RELCH: variants seen among roughly 807,000 people sequenced by gnomAD.
RELCH encodes the protein RAB11 binding and LisH domain, coiled-coil and HEAT repeat containing.
In RELCH, 41 loss-of-function variants were observed where a neutral mutation model predicts 150.3. The observed-to-expected ratio is 0.27, with a 90% CI of 0.21 to 0.35. RELCH has a LOEUF of 0.35. Among genes scored for constraint, RELCH ranks in the 10% least tolerant of loss-of-function variants. The pLI is 1.00. For synonymous variants in RELCH, 478 were observed against 531.8 expected, an observed-to-expected ratio of 0.90 and a Z score of 1.39; for missense variants, 1,092 against 1,467.8, an observed-to-expected ratio of 0.74 and a Z score of 4.18.
chr18:62,201,470 A>T (rs752408585), intron 1 of RELCH, among the ~76,000 whole-genome samples: 6 of 151,840 alleles, frequency 4.0e-5, no homozygotes, highest in Non-Finnish European at 7.4e-5. Flanking sequence ...GAATTGCTTG[A>T]TTTTTTTTCC....
chr18:62,272,258 C>T (rs1381445669), intron 20 of RELCH, among the ~76,000 whole-genome samples: 1 of 152,068 alleles, frequency 6.6e-6, no homozygotes, highest in African/African-American at 2.4e-5. Flanking sequence ...GTATGCCTAC[C>T]ATTCTCTAAC....
intron 18 of RELCH, among the ~76,000 whole-genome samples, chr18:62,265,729 A>G (rs1288138439): frequency 3.9e-5 from 6 of 151,910 alleles, no homozygotes. Context: ...ATTTAAGTTA[A>G]ATTATGTGGG....
intron 26 of RELCH, among the ~76,000 whole-genome samples, chr18:62,289,261 A>C (rs771249633): frequency 1.3e-5 from 2 of 152,204 alleles, no homozygotes; most frequent in Non-Finnish European, 2.9e-5. Flanking sequence ...GTTCTACATG[A>C]GTCAGAACTT....
intron 1 of RELCH, among the ~76,000 whole-genome samples, chr18:62,191,397 G>T (rs1434985199): frequency 2.6e-5 from 4 of 152,080 alleles, no homozygotes; most frequent in African/African-American, 7.2e-5. Flanking sequence ...TATTTTTTAT[G>T]AAATGCCTAT....
In RELCH at chr18:62,230,779, C is replaced by T. The variant is rs139544492; in HGVS notation, c.1449-415C>T. On this transcript the variant is annotated intron_variant, in intron 8 of 28. Transcript: ENST00000644646. ...ATATATATCTGCAAAGCTTTAATTC[C>T]TCTCAGCAATATACCAGGTCAACCT... Among the ~76,000 whole-genome samples the T allele has an allele frequency of 1.5e-3, 235 of 152,080 alleles. 1 individual carries two copies. Among genetic ancestry groups the T allele is most frequent in the African/African-American group, 5.3e-3 (219 of 41,492 alleles).
chr18:62,297,237 G>T (rs917401242), intron 27 of RELCH, among the ~76,000 whole-genome samples: 4 of 152,126 alleles, frequency 2.6e-5, no homozygotes, highest in Admixed American at 1.3e-4. Context: ...AATGCTGGCT[G>T]TCAGGTTTAT....
rs140959449 is a variant in RELCH, at chr18:62,187,760, C to T, written c.255C>T (p.Thr85=). The T allele has an allele frequency of 0.01, 16,815 of 1,610,890 alleles. 129 individuals are homozygous for T. The highest frequency in any genetic ancestry group is 0.016 in the South Asian group (1,485 of 90,886). The change falls in exon 1 of 29, where the codon ACC becomes ACT. Residue 85 remains threonine, a synonymous_variant. Coordinates refer to ENST00000644646, the MANE Select transcript of RELCH (RefSeq NM_001346231.2). ...CGGCTGCAGTGGCCCTGGGGGGCAC[C>T]GGGGAGACCCCGGCCCGATTATCAA... is the stretch of plus-strand genomic sequence containing the variant. ...ASAAAVALGG[T]GETPARLSID...
intron 19 of RELCH, among the ~76,000 whole-genome samples, chr18:62,267,244 G>A (rs926874099): frequency 7.3e-5 from 11 of 151,684 alleles, no homozygotes; most frequent in Admixed American, 2.0e-4. Context: ...CTACTTTAAC[G>A]AGTCTAGTTA....
chr18:62,189,806 C>T (rs2038485631), intron 1 of RELCH, among the ~76,000 whole-genome samples: 1 of 152,144 alleles, frequency 6.6e-6, no homozygotes, highest in Admixed American at 6.5e-5. Flanking sequence ...CTTCTAAGTG[C>T]CTTTGCATTA....
chr18:62,228,893 C>T (rs565252587), intron 8 of RELCH, among the ~76,000 whole-genome samples: 1 of 152,008 alleles, frequency 6.6e-6, no homozygotes, highest in African/African-American at 2.4e-5. Flanking sequence ...TAAACACTTA[C>T]CCAGTGCTTT....
intron 10 of RELCH, among the ~76,000 whole-genome samples, chr18:62,234,207 A>G (rs1245404505): frequency 1.3e-5 from 2 of 151,932 alleles, no homozygotes; most frequent in Non-Finnish European, 2.9e-5. Context: ...ATCTCTTGAT[A>G]TTGAATTACT....
intron 28 of RELCH, among the ~76,000 whole-genome samples, chr18:62,303,363 G>A (rs1236710499): frequency 6.6e-6 from 1 of 152,112 alleles, no homozygotes; most frequent in Non-Finnish European, 1.5e-5. Flanking sequence ...TTTCACATAT[G>A]ATGTATGCAG....
In RELCH at chr18:62,197,773, C is replaced by A. The variant is rs563329514; in HGVS notation, c.526+9742C>A. Among the ~76,000 whole-genome samples, 3 of 152,290 alleles carry A rather than the reference C, an allele frequency of 2.0e-5. No homozygotes were observed. The South Asian group carries it at 6.2e-4, about 32-fold the overall frequency. On this transcript the variant is annotated intron_variant, in intron 1 of 28. Coordinates refer to ENST00000644646, the MANE Select transcript of RELCH (RefSeq NM_001346231.2). ...GATATGATTGGATTATACTAAGATA[C>A]AGGACAGACATCTCATGTTGGTGTG...
At position 62,244,062 on chromosome 18, in the gene RELCH, A is replaced by T. The variant is rs1389454592; in HGVS notation, c.1621-702A>T. On this transcript the variant is annotated intron_variant, in intron 10 of 28. Transcript: ENST00000644646. ...AATGTACTTTAGTGTTAAGAATTTCATCTTAATTAAAATGTAAAACAATGT... is the reference window on the plus strand; with the variant it reads ...AATGTACTTTAGTGTTAAGAATTTCTTCTTAATTAAAATGTAAAACAATGT... Among the ~76,000 whole-genome samples, 8 of 152,156 alleles carry T rather than the reference A, an allele frequency of 5.3e-5. No individual in the cohort carries two copies. In the East Asian group the frequency reaches 1.5e-3, roughly 29 times the overall value.
intron 16 of RELCH, 69 bp downstream of exon 16, chr18:62,261,727 T>G (rs1018895438): frequency 8.6e-6 from 12 of 1,392,674 alleles, no homozygotes; most frequent in South Asian, 1.3e-5. Flanking sequence ...GAATTGTTTT[T>G]TATTAAAAGT....
chr18:62,306,643 A>G lies in RELCH; in HGVS notation c.*1109A>G, dbSNP rs2045886977. The G allele has an allele frequency of 6.6e-6, 1 of 152,624 alleles. No homozygotes were observed. Among genetic ancestry groups the G allele is most frequent in the African/African-American group, 2.4e-5 (1 of 41,442 alleles). The allele number at this position is 152,624 out of a possible 1,614,324, so 9.5% of individuals were successfully genotyped here. A position where few individuals can be genotyped will look rare whatever the true frequency, so the allele number is the denominator to read the frequency against. On this transcript the variant is annotated 3_prime_UTR_variant, in exon 29 of 29. Transcript: ENST00000644646. The stretch of plus-strand genomic sequence containing the variant: ...TGTATATTACATAGAGTCTTAAGTC[A>G]GTGTACAGTTCCACTGGAATTTGAC...
chr18:62,289,436 A>G (rs919736707), intron 26 of RELCH, among the ~76,000 whole-genome samples: 2 of 152,216 alleles, frequency 1.3e-5, no homozygotes, highest in African/African-American at 4.8e-5. Context: ...TGGCATAATA[A>G]TAAGTCGAGA....
At chr18:62,266,416 TA>T (rs1336911418) in intron 18 of RELCH, among the ~76,000 whole-genome samples, 1 of 151,918 alleles carries the variant, frequency 6.6e-6, no homozygotes, top group African/African-American at 2.4e-5. Flanking sequence ...CTTAAAATCA[TA>T]TTGGAAATTA....
At chr18:62,193,210 C>T (rs1346179248) in intron 1 of RELCH, among the ~76,000 whole-genome samples, 3 of 152,128 alleles carry the variant, frequency 2.0e-5, no homozygotes, top group South Asian at 2.1e-4. Flanking sequence ...GATATTTGCA[C>T]ATTAATTTTG....
Sources: gnomAD v4.1 joint callset for allele counts (sites outside exome capture counted in the v4.1 genomes callset) on GRCh38, gnomAD v4.1.1 for gene constraint, MANE v1.5 for transcripts, NCBI Gene and HGNC (gene_info 2026-07-23, HGNC 2026-07-21) for gene names.